The following PPP1R12C variants were observed in gnomAD, a reference collection of about 807,000 sequenced individuals.
PPP1R12C encodes protein phosphatase 1 regulatory subunit 12C.
In PPP1R12C, 48 loss-of-function variants were observed where a neutral mutation model predicts 95.6. The ratio of observed to expected loss-of-function variants is 0.50; its 90% confidence interval spans 0.40 to 0.64. PPP1R12C has a LOEUF of 0.64. PPP1R12C is among the 30% of genes least tolerant of loss of function. PPP1R12C has a pLI of 0.00. For missense variants in PPP1R12C, 1,057 were observed against 1,083.3 expected (o/e 0.98, Z 0.34); for synonymous variants, 480 against 460.8 (o/e 1.04, Z -0.53).
rs2084838996 is a variant in PPP1R12C, at chr19:55,091,520, C to T, written c.2301G>A (p.Lys767=). ...CGCGGATCAACGCTGCATTCTCATC[C>T]TTGAGGCGCTGGTTGTCAGCGCGGA... ...SDLRADNQRL[K]DENAALIRVI... The change falls in exon 22 of 22, where the codon AAG becomes AAA. Residue 767 remains lysine (K), a synonymous_variant. Transcript: ENST00000263433. The T allele has an allele frequency of 6.2e-7, 1 of 1,614,022 alleles. No homozygotes were observed. The highest frequency in any genetic ancestry group is 8.5e-7 in the Non-Finnish European group (1 of 1,180,000).
chr19:55,093,015 C>T lies in PPP1R12C; in HGVS notation c.1825+1G>A. On this transcript the variant is annotated splice_donor_variant, in intron 15 of 21. Transcript: ENST00000263433. LOFTEE classifies it high-confidence loss of function. The stretch of plus-strand genomic sequence containing the variant: ...ATGACCTCCCCGAGAGCAGACCTCA[C>T]CTCTCTGGGCAGGGCTGTCAGAGTT... The T allele has an allele frequency of 6.3e-7, 1 of 1,575,644 alleles. No homozygotes were observed. The highest frequency in any genetic ancestry group is 8.6e-7 in the Non-Finnish European group (1 of 1,159,228).
rs946779482 is a variant in PPP1R12C at position 55,094,835 on chromosome 19, G to A, written c.1455-37C>T. The A allele has an allele frequency of 8.3e-6, 13 of 1,557,302 alleles. No homozygotes were observed. The Admixed American group carries it at 1.4e-4, about 16-fold the overall frequency. On this transcript the variant is annotated intron_variant, in intron 11 of 21. Coordinates refer to ENST00000263433, the MANE Select transcript of PPP1R12C (RefSeq NM_017607.4). ...CATTCATTCCACAAACATTACCCAG[G>A]TGCATTGTGTGCCGGCACTGGAGAT... is the stretch of plus-strand genomic sequence containing the variant.
Position 55,099,023 on chromosome 19 carries a change from T to C in PPP1R12C, c.804A>G (p.Ala268=), listed in dbSNP as rs1206776015. 1.3e-6 allele frequency: 2 copies of C among 1,554,694 alleles called. No homozygotes were observed. Among genetic ancestry groups the C allele is most frequent in the African/African-American group, 2.7e-5 (2 of 73,394 alleles). The stretch of plus-strand genomic sequence containing the variant: ...GGCAGGCATCCTCCACGCCCCAGTG[T>C]GCCGCTGCGTGCAGGGGAGTCCAGC... ...GDGWTPLHAA[A]HWGVEDACRL... is the part of the protein sequence containing the mutation. Residue 268 remains alanine (A), a synonymous_variant, in exon 5 of 22, where the codon GCA becomes GCG. Coordinates refer to ENST00000263433, the MANE Select transcript of PPP1R12C (RefSeq NM_017607.4).
rs2084855585 is a variant in PPP1R12C, at chr19:55,092,469, C to T, written c.2028G>A (p.Ser676=). 1.9e-6 allele frequency: 3 copies of T among 1,609,794 alleles called. No individual in the cohort carries two copies. The highest frequency in any genetic ancestry group is 2.2e-5 in the East Asian group (1 of 44,706). The change falls in exon 18 of 22, where the codon TCG becomes TCA. Residue 676 remains serine, a synonymous_variant. Coordinates refer to ENST00000263433, the MANE Select transcript of PPP1R12C (RefSeq NM_017607.4). ...TCCTAAAGCCTCCGTCTGGCTCTTC[C>T]GATTCTGGCTCAGGTTCTGGGTTGA... ...RDLNPEPEPE[S]EEPDGGFRTL...
At chr19:55,113,704 G>T (rs1372520035) in intron 1 of PPP1R12C, 8 of 842,146 alleles carry the variant, frequency 9.5e-6, no homozygotes, top group Non-Finnish European at 1.3e-5. Context: ...AGGCGGGAGG[G>T]AGCTACGAGG....
In PPP1R12C at chr19:55,099,063, A is replaced by G; in HGVS notation, c.764T>C (p.Leu255Pro). Residue 255 changes from leucine to proline, a missense_variant, in exon 5 of 22, where the codon CTC (leucine) becomes CCC (proline). By Grantham distance (98) the Leu-to-Pro change is moderately conservative (BLOSUM62 -3). Around this residue, in one of 5 missense-constraint regions of PPP1R12C, gnomAD observed 282 missense variants for 380.4 expected, o/e 0.74. Transcript: ENST00000263433. ...LLLQAGYDPE[L>P]RDGDGWTPLH... ...GGGAGTCCAGCCGTCCCCGTCCCGG[A>G]GCTCTGGGTCGTAGCCAGCCTGAAG... 1 of 1,552,328 alleles carries G rather than the reference A, an allele frequency of 6.4e-7. No individual in the cohort carries two copies. The highest frequency in any genetic ancestry group is 8.7e-7 in the Non-Finnish European group (1 of 1,147,602).
At chr19:55,113,676 A>T (rs1195781872) in intron 1 of PPP1R12C, 1 of 1,086,428 alleles carries the variant, frequency 9.2e-7, no homozygotes, top group Non-Finnish European at 1.2e-6. Context: ...CACCTCTCCA[A>T]AGCTGCCCAT....
chr19:55,091,634 C>A lies in PPP1R12C; in HGVS notation c.2262+16G>T. On this transcript the variant is annotated intron_variant, in intron 21 of 21. Coordinates refer to ENST00000263433, the MANE Select transcript of PPP1R12C (RefSeq NM_017607.4). ...CCCACCCTCGGCCCTCTGCCCACAG[C>A]CCCCACAGCCCCCACCTTCAGCTCC... The A allele has an allele frequency of 1.2e-6, 2 of 1,607,302 alleles. No individual in the cohort carries two copies. Among genetic ancestry groups the A allele is most frequent in the African/African-American group, 2.7e-5 (2 of 74,888 alleles).
intron 3 of PPP1R12C, among the ~76,000 whole-genome samples, chr19:55,111,157 GGT>G (rs1568819552): frequency 1.4e-5 from 2 of 139,494 alleles, no homozygotes; most frequent in Non-Finnish European, 1.6e-5. Context: ...GGGAGGGGGG[GGT>G]GCATGGTTGG....
rs775028111 is a variant in PPP1R12C at position 55,092,489 on chromosome 19, G to A, written c.2008C>T (p.Pro670Ser). The A allele has an allele frequency of 1.9e-6, 3 of 1,610,134 alleles. No homozygotes were observed. The South Asian group carries it at 3.3e-5, about 18-fold the overall frequency. ...TCTTCCGATTCTGGCTCAGGTTCTGGGTTGAGGTCCCGCTGCCACCGCTGC... is the reference window on the plus strand; with the variant it reads ...TCTTCCGATTCTGGCTCAGGTTCTGAGTTGAGGTCCCGCTGCCACCGCTGC... ...RRQRWQRDLNPEPEPESEEPD... is the reference protein window; with the variant it reads ...RRQRWQRDLNSEPEPESEEPD... Residue 670 changes from proline (P) to serine (S), a missense_variant, in exon 18 of 22, where the codon CCA becomes TCA. Pro to Ser is a moderately conservative substitution (Grantham distance 74). Coordinates refer to ENST00000263433, the MANE Select transcript of PPP1R12C (RefSeq NM_017607.4).
Position 55,092,636 on chromosome 19 carries a change from G to T in PPP1R12C, c.1938C>A (p.Arg646=), listed in dbSNP as rs1305260200. The change falls in exon 17 of 22, where the codon CGC becomes CGA. Residue 646 remains arginine (R), a synonymous_variant. Transcript: ENST00000263433. The part of the protein sequence containing the change: ...AEGEEAEPAD[R]SQESSTLEGG... ...CCCGCCCCTACCTGGACTCCTGGCT[G>T]CGGTCAGCCGGCTCCGCCTCCTCCC... 6.5e-7 allele frequency: 1 copy of T among 1,534,484 alleles called. No homozygotes were observed. The highest frequency in any genetic ancestry group is 8.7e-7 in the Non-Finnish European group (1 of 1,143,512).
chr19:55,114,450 G>C (rs561161112), intron 1 of PPP1R12C: 2 of 152,658 alleles, frequency 1.3e-5, no homozygotes, highest in Non-Finnish European at 2.9e-5. Flanking sequence ...GCGATGCTTG[G>C]GGACCTGCCT....
chr19:55,094,930 A>C, intron 11 of PPP1R12C, 132 bp from the exon 12 acceptor site: 4 of 1,104,894 alleles, frequency 3.6e-6, no homozygotes, highest in Non-Finnish European at 5.3e-6. Context: ...AATACACAAA[A>C]CCCACAAAAG....
intron 11 of PPP1R12C, 123 bp downstream of exon 11, chr19:55,095,168 G>A (rs2084895739): frequency 1.8e-6 from 2 of 1,112,016 alleles, no homozygotes; most frequent in Non-Finnish European, 2.7e-6. Flanking sequence ...CACAGCACAG[G>A]CTCTGGAGTG....
At chr19:55,100,085 G>A (rs773095392) in intron 4 of PPP1R12C, among the ~76,000 whole-genome samples, 5 of 152,066 alleles carry the variant, frequency 3.3e-5, no homozygotes, top group East Asian at 1.9e-4. Flanking sequence ...GCGTCCGCTC[G>A]CCGCTGGCCT....
chr19:55,116,831 T>C (rs1030804915), intron 1 of PPP1R12C, among the ~76,000 whole-genome samples: 20 of 151,952 alleles, frequency 1.3e-4, no homozygotes, highest in African/African-American at 4.3e-4. Flanking sequence ...CAGGACCGGC[T>C]GGAGGGGCTC....
At position 55,094,439 on chromosome 19, in the gene PPP1R12C, A is replaced by T. The variant is rs2084885727; in HGVS notation, c.1593-4T>A. 1 of 1,613,460 alleles carries T rather than the reference A, an allele frequency of 6.2e-7. No individual in the cohort carries two copies. Among genetic ancestry groups the T allele is most frequent in the East Asian group, 2.2e-5 (1 of 44,850 alleles). The stretch of plus-strand genomic sequence containing the variant: ...CCGCACAGGCATCTGGTAGGACCTG[A>T]GGGAAGGGTCCCAACCTCAGACAGG... On this transcript the variant is annotated splice_region_variant and splice_polypyrimidine_tract_variant and intron_variant, in intron 12 of 21. Transcript: ENST00000263433.
At chr19:55,094,634 G>C (rs767164579) in intron 12 of PPP1R12C, 27 bp downstream of exon 12, 1 of 1,552,608 alleles carries the variant, frequency 6.4e-7, no homozygotes. Flanking sequence ...GGGCGGGGGC[G>C]GCAGCTTCCT....
At chr19:55,101,882 G>C (rs1023723272) in intron 4 of PPP1R12C, among the ~76,000 whole-genome samples, 1 of 152,072 alleles carries the variant, frequency 6.6e-6, no homozygotes, top group Non-Finnish European at 1.5e-5. Context: ...AAGGGACAGC[G>C]GCCTGGAGCT....
Sources: gnomAD v4.1 joint callset for allele counts (sites outside exome capture counted in the v4.1 genomes callset) on GRCh38, gnomAD v4.1.1 for gene constraint, gnomAD v4.1.1 regional missense constraint, MANE v1.5 for transcripts, NCBI Gene and HGNC (gene_info 2026-07-23, HGNC 2026-07-21) for gene names.